Variants in PODXL observed in about 807,000 individuals in gnomAD.
PODXL encodes the protein podocalyxin like.
Under a neutral mutation model 48.9 loss-of-function variants are expected in PODXL, and 20 were observed. The ratio of observed to expected loss-of-function variants is 0.41; its 90% CI spans 0.29 to 0.59. The LOEUF is 0.59. Among genes scored for constraint, PODXL ranks in the 20% least tolerant of loss-of-function variants. The pLI, the probability that PODXL is intolerant of heterozygous loss-of-function variation, is 0.31. For missense variants in PODXL, 606 were observed against 675.1 expected, an observed-to-expected ratio of 0.90 and a Z score of 1.13; for synonymous variants, 295 against 287.4, an observed-to-expected ratio of 1.03 and a Z score of -0.27.
In PODXL at chr7:131,506,007, T is replaced by C. The variant is rs751280847; in HGVS notation, c.1340A>G (p.Asp447Gly). The change falls in exon 8 of 9, where the codon GAC becomes GGC. Residue 447 changes from aspartate to glycine, a missense_variant. Coordinates refer to ENST00000378555, the MANE Select transcript of PODXL (RefSeq NM_001018111.3). ...CTCGGCCTCCTCCGGTGGCCCCTGG[T>C]CCCCTAGCTTCATGTCACTGACCCC... ...EAGVSDMKLG[D>G]QGPPEEAEDR... 3 of 1,612,644 alleles carry C rather than the reference T, an allele frequency of 1.9e-6. No homozygotes were observed. Among genetic ancestry groups the C allele is most frequent in the Non-Finnish European group, 2.5e-6 (3 of 1,179,508 alleles).
intron 1 of PODXL, among the ~76,000 whole-genome samples, chr7:131,546,658 G>A (rs1008753428): frequency 2.0e-5 from 3 of 150,834 alleles, no homozygotes; most frequent in South Asian, 2.1e-4. Context: ...CTCCTGAGGC[G>A]GAGGTTGCAG....
In PODXL at chr7:131,539,726, C is replaced by T. The variant is rs182412208; in HGVS notation, c.100+16534G>A. On this transcript the variant is annotated intron_variant, in intron 1 of 8. Coordinates refer to ENST00000378555, the MANE Select transcript of PODXL (RefSeq NM_001018111.3). The stretch of plus-strand genomic sequence containing the variant: ...GGCAGCCAGGCTCAGCCAGCCTTGC[C>T]GACCCCCTGCTGTGAGCAGGAGACA... Among the ~76,000 whole-genome samples the T allele has an allele frequency of 3.3e-3, 508 of 152,326 alleles. 2 individuals carry two copies. The highest frequency in any genetic ancestry group is 0.011 in the African/African-American group (466 of 41,568).
intron 1 of PODXL, among the ~76,000 whole-genome samples, chr7:131,542,627 A>T (rs1239028685): frequency 2.0e-5 from 3 of 152,324 alleles, no homozygotes; most frequent in Non-Finnish European, 4.4e-5. Context: ...ACTGTACTCC[A>T]GCCTGGGTGA....
At chr7:131,553,491 T>C (rs1299167946) in intron 1 of PODXL, among the ~76,000 whole-genome samples, 1 of 152,226 alleles carries the variant, frequency 6.6e-6, no homozygotes, top group Non-Finnish European at 1.5e-5. Flanking sequence ...TCATCATAGC[T>C]ATTTTTTGAG....
At chr7:131,539,299 T>G (rs533530286) in intron 1 of PODXL, among the ~76,000 whole-genome samples, 10 of 152,354 alleles carry the variant, frequency 6.6e-5, no homozygotes, top group African/African-American at 2.4e-4. Flanking sequence ...GACATATCTA[T>G]CTTGGAACAA....
Position 131,510,340 on chromosome 7 carries a change from A to G in PODXL, c.707-9T>C, listed in dbSNP as rs1395868191. On this transcript the variant is annotated splice_polypyrimidine_tract_variant and intron_variant, in intron 2 of 8. Transcript: ENST00000378555. Reference sequence around the variant, plus strand: ...GTGAAACACTGTCTCTACTTGAAAAAAAAAAAAAAAAAAAAAAAAAAATTA... The same window carrying G: ...GTGAAACACTGTCTCTACTTGAAAAGAAAAAAAAAAAAAAAAAAAAAATTA... The G allele has an allele frequency of 7.8e-5, 3 of 38,468 alleles. No homozygotes were observed. The highest frequency in any genetic ancestry group is 2.1e-4 in the South Asian group (1 of 4,744). The allele number at this position is 38,468 out of a possible 1,614,324, so 2.4% of individuals were successfully genotyped here. A position where few individuals can be genotyped will look rare whatever the true frequency, so the allele number is the denominator to read the frequency against.
chr7:131,533,768 A>G (rs1292044809), intron 1 of PODXL, among the ~76,000 whole-genome samples: 1 of 152,094 alleles, frequency 6.6e-6, no homozygotes, highest in Non-Finnish European at 1.5e-5. Context: ...ACTCCCCACT[A>G]AAGCAGTACA....
intron 8 of PODXL, 64 bp downstream of exon 8, chr7:131,505,804 C>A: frequency 6.9e-7 from 1 of 1,448,386 alleles, no homozygotes; most frequent in African/African-American, 1.4e-5. Context: ...TCGGGAATCA[C>A]GAGGGGAGGG....
At chr7:131,546,823 G>A (rs1798584577) in intron 1 of PODXL, among the ~76,000 whole-genome samples, 1 of 151,966 alleles carries the variant, frequency 6.6e-6, no homozygotes, top group African/African-American at 2.4e-5. Context: ...GCACCAGGCA[G>A]GAATAGGAAG....
chr7:131,526,789 G>A lies in PODXL; in HGVS notation c.101-15356C>T, dbSNP rs949294255. Among the ~76,000 whole-genome samples, 8 of 127,028 alleles carry A rather than the reference G, an allele frequency of 6.3e-5. No individual in the cohort carries two copies. The East Asian group carries it at 1.3e-3, about 20-fold the overall frequency. The allele number at this position is 127,028 out of a possible 152,430, so 83.3% of individuals were successfully genotyped here. On this transcript the variant is annotated intron_variant, in intron 1 of 8. Transcript: ENST00000378555. ...CGGAGTCTGTTGCCCAGGCTGGAGT[G>A]CAGTGGCGCGATCTCGGCTCACTAT...
intron 1 of PODXL, among the ~76,000 whole-genome samples, chr7:131,538,925 G>T (rs896281305): frequency 6.6e-6 from 1 of 152,198 alleles, no homozygotes; most frequent in Non-Finnish European, 1.5e-5. Context: ...CTCCCCAGGG[G>T]CCTCCTAATC....
At chr7:131,555,303 C>T (rs1458112491) in intron 1 of PODXL, among the ~76,000 whole-genome samples, 1 of 152,206 alleles carries the variant, frequency 6.6e-6, no homozygotes. Flanking sequence ...GAGAAATGCA[C>T]CTCTCCCGTG....
intron 1 of PODXL, among the ~76,000 whole-genome samples, chr7:131,547,327 T>C (rs6467375): frequency 0.74 from 107,078 of 144,764 alleles, 39,428 homozygotes; most frequent in Admixed American, 0.79. Flanking sequence ...GACCCAAGAT[T>C]GCGCCATTGC....
At chr7:131,551,365 A>T (rs1237411265) in intron 1 of PODXL, among the ~76,000 whole-genome samples, 1 of 152,192 alleles carries the variant, frequency 6.6e-6, no homozygotes, top group Non-Finnish European at 1.5e-5. Flanking sequence ...ATGAGCCCAG[A>T]GCTGGGTAAA....
At chr7:131,527,305 T>C (rs1038333072) in intron 1 of PODXL, among the ~76,000 whole-genome samples, 2 of 152,108 alleles carry the variant, frequency 1.3e-5, no homozygotes, top group African/African-American at 4.8e-5. Context: ...AGAATAATAT[T>C]AGGCAATAAA....
chr7:131,536,557 C>T (rs182856356), intron 1 of PODXL, among the ~76,000 whole-genome samples: 34 of 152,070 alleles, frequency 2.2e-4, no homozygotes, highest in Non-Finnish European at 4.1e-4. Flanking sequence ...AGTCAGCCAG[C>T]AAAAAAGGCC....
At chr7:131,518,880 T>A (rs980950844) in intron 1 of PODXL, among the ~76,000 whole-genome samples, 3 of 152,124 alleles carry the variant, frequency 2.0e-5, no homozygotes, top group African/African-American at 7.2e-5. Flanking sequence ...ACTGATATGC[T>A]GAAGGGGTCA....
At chr7:131,543,690 G>T (rs1346678112) in intron 1 of PODXL, among the ~76,000 whole-genome samples, 1 of 152,108 alleles carries the variant, frequency 6.6e-6, no homozygotes, top group African/African-American at 2.4e-5. Flanking sequence ...ACCCCTCTTG[G>T]TTGTTGGACA....
At chr7:131,526,739 C>CT (rs57935236) in intron 1 of PODXL, among the ~76,000 whole-genome samples, 19,436 of 89,672 alleles carry the variant, frequency 0.22, 2,870 homozygotes, top group Middle Eastern at 0.31. Context: ...CTTCCTTACT[C>CT]TTTTTTTTTT....
Sources: allele counts gnomAD v4.1 joint callset (sites outside exome capture counted in the v4.1 genomes callset), GRCh38; gene constraint gnomAD v4.1.1; transcripts MANE v1.5; gene names NCBI Gene and HGNC (gene_info 2026-07-23, HGNC 2026-07-21).